Variants in KIF16B observed in about 807,000 individuals in gnomAD.
KIF16B encodes kinesin family member 16B, also known as kinesin-like protein KIF16B.
In KIF16B, 98 loss-of-function variants were observed where a neutral mutation model predicts 156.3. That is an observed-to-expected ratio of 0.63 (90% CI 0.53 to 0.74). The LOEUF is 0.74. Ranked by LOEUF, KIF16B falls within the 30% of genes least tolerant of loss-of-function variation. The probability of loss-of-function intolerance (pLI) is 0.00; values close to 1 mark genes in which losing one functional copy is unlikely to be tolerated. For missense variants in KIF16B, 1,421 were observed against 1,606.5 expected (o/e 0.88, Z 1.97); for synonymous variants, 564 against 583.7 (o/e 0.97, Z 0.49).
intron 12 of KIF16B, among the ~76,000 whole-genome samples, chr20:16,452,691 T>C (rs985517577): frequency 2.0e-5 from 3 of 151,716 alleles, no homozygotes; most frequent in African/African-American, 4.8e-5. Flanking sequence ...AAAAATTAGC[T>C]GGGCGTGGTG....
At chr20:16,368,338 G>T in intron 22 of KIF16B, 6 of 989,888 alleles carry the variant, frequency 6.1e-6, no homozygotes, top group Non-Finnish European at 7.2e-6. Flanking sequence ...CAGGCTCCCT[G>T]CAGCTTCGCT....
At position 16,460,272 on chromosome 20, in the gene KIF16B, C is replaced by T. The variant is rs117048983; in HGVS notation, c.1303-30290G>A. On this transcript the variant is annotated intron_variant, in intron 12 of 25. Coordinates refer to ENST00000354981, the MANE Select transcript of KIF16B (RefSeq NM_024704.5). ...GGATGAAAAATAGAGCATATCTAAGCTTTAACAAAAACACCATGAGCACCC... is the reference window on the plus strand; with the variant it reads ...GGATGAAAAATAGAGCATATCTAAGTTTTAACAAAAACACCATGAGCACCC... Among the ~76,000 whole-genome samples, 195 of 152,270 alleles carry T rather than the reference C, an allele frequency of 1.3e-3. 2 individuals carry two copies. The East Asian group carries it at 0.025, about 19-fold the overall frequency.
At chr20:16,495,828 C>T (rs889003347) in intron 11 of KIF16B, among the ~76,000 whole-genome samples, 2 of 152,028 alleles carry the variant, frequency 1.3e-5, no homozygotes, top group East Asian at 1.9e-4. Flanking sequence ...GTAGCTGGGA[C>T]TACAGGTGCA....
At position 16,381,788 on chromosome 20, in the gene KIF16B, C is replaced by T. The variant is rs377633025; in HGVS notation, c.1785-41G>A. On this transcript the variant is annotated intron_variant, in intron 17 of 25. Coordinates refer to ENST00000354981, the MANE Select transcript of KIF16B (RefSeq NM_024704.5). Reference sequence around the variant, plus strand: ...GAAAATGAGTCACTTTTCTAAAGAGCTTTTCTATCTCTCTCTCACTCTCTG... The same window carrying T: ...GAAAATGAGTCACTTTTCTAAAGAGTTTTTCTATCTCTCTCTCACTCTCTG... The T allele has an allele frequency of 4.0e-6, 6 of 1,495,050 alleles. No homozygotes were observed. In the East Asian group the frequency reaches 1.1e-4, roughly 29 times the overall value. The allele number at this position is 1,495,050 out of a possible 1,614,324, so 92.6% of individuals were successfully genotyped here.
At chr20:16,310,380 T>C (rs1363193751) in intron 25 of KIF16B, among the ~76,000 whole-genome samples, 2 of 151,964 alleles carry the variant, frequency 1.3e-5, no homozygotes, top group African/African-American at 2.4e-5. Flanking sequence ...AATGAAAGAG[T>C]GCCCTGAACT....
chr20:16,341,573 A>T (rs1012165339), intron 23 of KIF16B, among the ~76,000 whole-genome samples: 4 of 152,246 alleles, frequency 2.6e-5, no homozygotes, highest in Admixed American at 6.5e-5. Flanking sequence ...ATATTTTAAT[A>T]AACTCACATA....
At chr20:16,475,077 T>C (rs2067771730) in intron 12 of KIF16B, among the ~76,000 whole-genome samples, 1 of 152,232 alleles carries the variant, frequency 6.6e-6, no homozygotes, top group Non-Finnish European at 1.5e-5. Context: ...TCCAGTTCTT[T>C]CACAAGAGAA....
intron 15 of KIF16B, among the ~76,000 whole-genome samples, chr20:16,410,099 A>G (rs1194713057): frequency 1.0e-4 from 13 of 124,956 alleles, no homozygotes; most frequent in Non-Finnish European, 1.7e-5. Context: ...AGGTACATAT[A>G]TATATATGTA....
At position 16,366,808 on chromosome 20, in the gene KIF16B, T is replaced by C. The variant is rs6034463; in HGVS notation, c.3498+3778A>G. 7.4e-5 allele frequency: 77 copies of C among 1,041,460 alleles called. No individual in the cohort carries two copies. The African/African-American group carries it at 1.2e-3, about 17-fold the overall frequency. 64.5% of individuals were successfully genotyped at this position (1,041,460 alleles called of 1,614,324 possible). On this transcript the variant is annotated intron_variant, in intron 22 of 25. Coordinates refer to ENST00000354981, the MANE Select transcript of KIF16B (RefSeq NM_024704.5). ...TGGAATCCAGTAGGCACAGACAGATTCCAAGCCACCACACTATAAATCGAC... is the reference window on the plus strand; with the variant it reads ...TGGAATCCAGTAGGCACAGACAGATCCCAAGCCACCACACTATAAATCGAC...
chr20:16,290,729 C>T (rs1294540841), intron 25 of KIF16B, among the ~76,000 whole-genome samples: 4 of 152,076 alleles, frequency 2.6e-5, no homozygotes, highest in African/African-American at 9.7e-5. Flanking sequence ...CCTGACCCCA[C>T]CCCATGAAGA....
chr20:16,312,501 C>G lies in KIF16B; in HGVS notation c.3712-83G>C, dbSNP rs998190326. 26 of 1,050,322 alleles carry G rather than the reference C, an allele frequency of 2.5e-5. No individual in the cohort carries two copies. The African/African-American group carries it at 4.0e-4, about 16-fold the overall frequency. The allele number at this position is 1,050,322 out of a possible 1,614,324, so 65.1% of individuals were successfully genotyped here. On this transcript the variant is annotated intron_variant, in intron 24 of 25. Coordinates refer to ENST00000354981, the MANE Select transcript of KIF16B (RefSeq NM_024704.5). The stretch of plus-strand genomic sequence containing the variant: ...ATTATTAATCTATTATTTGAAATCT[C>G]TTCCATGGGGTGAAAAGAAAGAGGC...
intron 17 of KIF16B, among the ~76,000 whole-genome samples, chr20:16,393,866 G>A (rs1004543307): frequency 2.6e-5 from 4 of 152,062 alleles, no homozygotes; most frequent in South Asian, 4.2e-4. Context: ...GTGAAGAGCC[G>A]GTGGACAAAT....
Position 16,374,360 on chromosome 20 carries a change from C to A in KIF16B, c.3247G>T (p.Gly1083Cys). 2 of 1,600,582 alleles carry A rather than the reference C, an allele frequency of 1.2e-6. No individual in the cohort carries two copies. Among genetic ancestry groups the A allele is most frequent in the Non-Finnish European group, 1.7e-6 (2 of 1,172,010 alleles). ...GTCCCATGATGATCTTTTTGAACAC[C>A]ATCGACCTCATAAATCTTCTGTTTC... ...QLKQKIYEVD[G>C]VQKDHHGTLE... The change falls in exon 20 of 26, where the codon GGT becomes TGT. Residue 1083 changes from glycine (G) to cysteine (C), a missense_variant. Gly to Cys is a radical substitution (Grantham distance 159, BLOSUM62 -3). Coordinates refer to ENST00000354981, the MANE Select transcript of KIF16B (RefSeq NM_024704.5).
At chr20:16,359,028 CTT>C (rs1163481426) in intron 22 of KIF16B, among the ~76,000 whole-genome samples, 1 of 152,160 alleles carries the variant, frequency 6.6e-6, no homozygotes, top group Non-Finnish European at 1.5e-5. Context: ...TTGGAACAAA[CTT>C]TTGATGTTTC....
intron 12 of KIF16B, among the ~76,000 whole-genome samples, chr20:16,462,081 T>C (rs1423051270): frequency 6.6e-6 from 1 of 152,072 alleles, no homozygotes; most frequent in Non-Finnish European, 1.5e-5. Flanking sequence ...AAACCCTGTC[T>C]CTACTAAAAA....
chr20:16,301,105 G>A (rs116015695), intron 25 of KIF16B, among the ~76,000 whole-genome samples: 1 of 152,046 alleles, frequency 6.6e-6, no homozygotes, highest in Admixed American at 6.6e-5. Flanking sequence ...TTTTCAAATT[G>A]TCTTCTTCTA....
At chr20:16,377,627 T>C (rs1325448527) in intron 19 of KIF16B, among the ~76,000 whole-genome samples, 2 of 151,804 alleles carry the variant, frequency 1.3e-5, no homozygotes, top group Non-Finnish European at 2.9e-5. Flanking sequence ...TGAGGCCCAG[T>C]GATGAAAGAT....
At chr20:16,526,911 A>T (rs565858219) in intron 2 of KIF16B, among the ~76,000 whole-genome samples, 1 of 152,330 alleles carries the variant, frequency 6.6e-6, no homozygotes, top group South Asian at 2.1e-4. Flanking sequence ...ATTCTTATGA[A>T]AACACTAAAA....
intron 23 of KIF16B, among the ~76,000 whole-genome samples, chr20:16,345,810 G>C (rs920232567): frequency 1.4e-4 from 22 of 152,242 alleles, no homozygotes; most frequent in African/African-American, 5.3e-4. Flanking sequence ...GGAATAGCTA[G>C]GCAGGAGGAA....
Sources: allele counts gnomAD v4.1 joint callset (sites outside exome capture counted in the v4.1 genomes callset), GRCh38; gene constraint gnomAD v4.1.1; transcripts MANE v1.5; gene names NCBI Gene and HGNC (gene_info 2026-07-23, HGNC 2026-07-21).